The following SLC8A3 variants were observed in gnomAD, a reference collection of about 807,000 sequenced individuals.
SLC8A3 encodes the protein sodium/calcium exchanger 3.
A neutral mutation model predicts 65.4 loss-of-function variants in SLC8A3; 37 were observed. The observed-to-expected ratio is 0.57, with a 90% confidence interval of 0.44 to 0.74. SLC8A3 has a LOEUF of 0.74. Among genes scored for constraint, SLC8A3 ranks in the 30% least tolerant of loss-of-function variants. SLC8A3 has a pLI of 0.00. For missense variants in SLC8A3, 1,112 were observed against 1,172.1 expected (o/e 0.95, Z 0.75); for synonymous variants, 461 against 444.5 (o/e 1.04, Z -0.47).
intron 2 of SLC8A3, among the ~76,000 whole-genome samples, chr14:70,075,333 C>A (rs969924659): frequency 1.3e-5 from 2 of 152,176 alleles, no homozygotes; most frequent in African/African-American, 4.8e-5. Context: ...ACTATCTGCC[C>A]TTTGCAAGAG....
At chr14:70,169,489 A>T (rs1018838348) in intron 1 of SLC8A3, among the ~76,000 whole-genome samples, 2 of 152,174 alleles carry the variant, frequency 1.3e-5, no homozygotes, top group Admixed American at 6.5e-5. Context: ...CTCTCAAATA[A>T]GTTTTGTTAA....
chr14:70,158,039 G>C (rs969612520), intron 2 of SLC8A3, among the ~76,000 whole-genome samples: 9 of 152,176 alleles, frequency 5.9e-5, no homozygotes, highest in African/African-American at 2.2e-4. Context: ...GATTTAAAGT[G>C]GAGACATGGC....
chr14:70,110,478 C>G (rs1893213087), intron 2 of SLC8A3, among the ~76,000 whole-genome samples: 1 of 152,096 alleles, frequency 6.6e-6, no homozygotes, highest in African/African-American at 2.4e-5. Flanking sequence ...TCACTTAACA[C>G]AATGATCTCC....
At chr14:70,182,816 T>C (rs1017656989) in intron 1 of SLC8A3, among the ~76,000 whole-genome samples, 5 of 152,002 alleles carry the variant, frequency 3.3e-5, no homozygotes, top group African/African-American at 9.7e-5. Context: ...AGGGAGAGGA[T>C]TCTGTGTTGA....
chr14:70,119,356 ACTGTGAGG>A (rs1230787947), intron 2 of SLC8A3, among the ~76,000 whole-genome samples: 1 of 152,182 alleles, frequency 6.6e-6, no homozygotes, highest in Non-Finnish European at 1.5e-5. Context: ...CTACATGGAC[ACTGTGAGG>A]CTTCCATTTA....
In SLC8A3 at chr14:70,057,492, CT is replaced by C. The variant is rs536155685; in HGVS notation, c.1888+3343del. Among the ~76,000 whole-genome samples the C allele has an allele frequency of 2.5e-4, 38 of 152,314 alleles. 1 individual carries two copies. The East Asian group carries it at 7.3e-3, about 29-fold the overall frequency. Reference sequence around the variant, plus strand: ...AAGGTCCCTGATGCCCTGGTTTTCACTCATACATGCCACCGAACATCTGGCC... The same window carrying C: ...AAGGTCCCTGATGCCCTGGTTTTCACCATACATGCCACCGAACATCTGGCC... On this transcript the variant is annotated intron_variant, in intron 3 of 6. Coordinates refer to ENST00000356921, the MANE Select transcript of SLC8A3 (RefSeq NM_182932.3).
rs55821105 is a variant in SLC8A3 at position 70,154,650 on chromosome 14, T to C, written c.1784+11989A>G. On this transcript the variant is annotated intron_variant, in intron 2 of 6. Transcript: ENST00000356921. The stretch of plus-strand genomic sequence containing the variant: ...ACTTAGTTCTTTGCACTTTTTCTCA[T>C]CTGTACATATTTACTTCTTATTGCA... 9.4e-3 allele frequency among the ~76,000 whole-genome samples: 1,432 copies of C among 152,352 alleles called. 20 individuals are homozygous for C. The highest frequency in any genetic ancestry group is 0.032 in the African/African-American group (1,314 of 41,578).
chr14:70,162,669 C>T lies in SLC8A3; in HGVS notation c.1784+3970G>A, dbSNP rs748024228. The stretch of plus-strand genomic sequence containing the variant: ...TTGTTTAATGAGTGAAATTAGTGTG[C>T]GGGCAGAACCCATACCTCTGTGAGG... On this transcript the variant is annotated intron_variant, in intron 2 of 6. Coordinates refer to ENST00000356921, the MANE Select transcript of SLC8A3 (RefSeq NM_182932.3). Among the ~76,000 whole-genome samples the T allele has an allele frequency of 2.6e-5, 4 of 152,106 alleles. No homozygotes were observed. In the East Asian group the frequency reaches 5.8e-4, roughly 22 times the overall value.
chr14:70,083,018 A>G (rs1891168591), intron 2 of SLC8A3, among the ~76,000 whole-genome samples: 1 of 152,120 alleles, frequency 6.6e-6, no homozygotes, highest in African/African-American at 2.4e-5. Flanking sequence ...GACGTGACCT[A>G]GTCACACCTC....
chr14:70,179,164 A>G (rs1882503890), intron 1 of SLC8A3, among the ~76,000 whole-genome samples: 1 of 152,110 alleles, frequency 6.6e-6, no homozygotes, highest in African/African-American at 2.4e-5. Context: ...TCACTTTTAG[A>G]TTTCATTCAG....
chr14:70,047,341 G>A (rs1342806525), intron 6 of SLC8A3: 1 of 151,994 alleles, frequency 6.6e-6, no homozygotes, highest in African/African-American at 2.4e-5. Context: ...TGTTTCTGTT[G>A]TTATTGTTGT....
At chr14:70,114,779 C>A (rs904675716) in intron 2 of SLC8A3, among the ~76,000 whole-genome samples, 1 of 152,138 alleles carries the variant, frequency 6.6e-6, no homozygotes, top group African/African-American at 2.4e-5. Flanking sequence ...AAAGCCAGAC[C>A]CCTGCTGGGA....
chr14:70,160,191 T>A (rs1436504374), intron 2 of SLC8A3, among the ~76,000 whole-genome samples: 2 of 152,194 alleles, frequency 1.3e-5, no homozygotes, highest in Non-Finnish European at 2.9e-5. Context: ...ACGCCTGTAA[T>A]CCCAGCTTTT....
intron 2 of SLC8A3, among the ~76,000 whole-genome samples, chr14:70,163,132 T>C (rs982299380): frequency 6.6e-6 from 1 of 152,224 alleles, no homozygotes; most frequent in Non-Finnish European, 1.5e-5. Flanking sequence ...ATCTAACAAA[T>C]GTTTGTTGAA....
At chr14:70,128,814 A>G (rs1410153308) in intron 2 of SLC8A3, among the ~76,000 whole-genome samples, 2 of 152,236 alleles carry the variant, frequency 1.3e-5, no homozygotes, top group Non-Finnish European at 2.9e-5. Flanking sequence ...GCCTTCCATG[A>G]TAGGTGTAGG....
chr14:70,131,029 A>G (rs1026212779), intron 2 of SLC8A3, among the ~76,000 whole-genome samples: 4 of 152,242 alleles, frequency 2.6e-5, no homozygotes, highest in Non-Finnish European at 5.9e-5. Flanking sequence ...GGGGACAAGG[A>G]CAGGACCCTC....
chr14:70,106,253 G>A (rs1352106684), intron 2 of SLC8A3, among the ~76,000 whole-genome samples: 2 of 152,024 alleles, frequency 1.3e-5, no homozygotes, highest in Non-Finnish European at 2.9e-5. Context: ...GAAAAAAGAC[G>A]CATGTGCCTC....
At chr14:70,165,299 G>A (rs1224325905) in intron 2 of SLC8A3, among the ~76,000 whole-genome samples, 1 of 152,306 alleles carries the variant, frequency 6.6e-6, no homozygotes, top group Admixed American at 6.5e-5. Context: ...GCAGTGCCCA[G>A]CTCTTTTTGA....
intron 2 of SLC8A3, among the ~76,000 whole-genome samples, chr14:70,065,341 A>C (rs926178713): frequency 1.3e-5 from 2 of 152,056 alleles, no homozygotes; most frequent in African/African-American, 4.8e-5. Context: ...AGTTACCAAG[A>C]CACCTGGTCC....
Sources: allele counts gnomAD v4.1 joint callset (sites outside exome capture counted in the v4.1 genomes callset), GRCh38; gene constraint gnomAD v4.1.1; transcripts MANE v1.5; gene names NCBI Gene and HGNC (gene_info 2026-07-23, HGNC 2026-07-21).